MICU1: variants seen among roughly 807,000 people sequenced by gnomAD.
MICU1 encodes the protein calcium uptake protein 1, mitochondrial.
Under a neutral mutation model 56.8 loss-of-function variants are expected in MICU1, and 45 were observed. The observed-to-expected ratio is 0.79, with a 90% CI of 0.62 to 1.02. The LOEUF (loss-of-function observed/expected upper bound fraction) is 1.02. Ranked by LOEUF, MICU1 falls within the 50% of genes least tolerant of loss-of-function variation. MICU1 has a pLI of 0.00. For synonymous variants in MICU1, 186 were observed against 195.1 expected (o/e 0.95, Z 0.39); for missense variants, 504 against 587.1 (o/e 0.86, Z 1.46).
chr10:72,381,963 T>TACACACACACACACACAC (rs10535513), intron 10 of MICU1, among the ~76,000 whole-genome samples: 8 of 138,344 alleles, frequency 5.8e-5, no homozygotes, highest in South Asian at 2.5e-4. Context: ...TATATATCTA[T>TACACACACACACACACAC]ACACACACAC....
rs1425765808 is a variant in MICU1 at position 72,569,221 on chromosome 10, ATATATATATATATATATT to A, written c.-1-2445_-1-2428del. Among the ~76,000 whole-genome samples, 13 of 38,504 alleles carry A rather than the reference ATATATATATATATATATT, an allele frequency of 3.4e-4. 1 individual carries two copies. Among genetic ancestry groups the A allele is most frequent in the African/African-American group, 1.7e-3 (13 of 7,638 alleles). 25.3% of individuals were successfully genotyped at this position (38,504 alleles called of 152,430 possible). On this transcript the variant is annotated intron_variant, in intron 1 of 11. Coordinates refer to ENST00000361114, the MANE Select transcript of MICU1 (RefSeq NM_001195518.2). ...CATATATATGCATATATATATATATATATATATATATATATATTTTTTTTTTTTTTTGAGATGGCGTCT... is the reference window on the plus strand; with the variant it reads ...CATATATATGCATATATATATATATATTTTTTTTTTTTTGAGATGGCGTCT...
At chr10:72,609,733 CAA>C (rs1248783651) in intron 1 of MICU1, among the ~76,000 whole-genome samples, 16 of 102,980 alleles carry the variant, frequency 1.6e-4, no homozygotes, top group East Asian at 2.7e-4. Context: ...GACCCCGTCT[CAA>C]AAAAAAAAAA....
At chr10:72,452,738 T>C (rs1175808447) in intron 8 of MICU1, among the ~76,000 whole-genome samples, 1 of 152,226 alleles carries the variant, frequency 6.6e-6, no homozygotes, top group African/African-American at 2.4e-5. Context: ...TCTCAGAATG[T>C]ATCCCCATCG....
intron 9 of MICU1, among the ~76,000 whole-genome samples, chr10:72,418,006 C>T (rs956844485): frequency 4.6e-5 from 7 of 152,126 alleles, no homozygotes; most frequent in African/African-American, 1.7e-4. Context: ...GCAAACATAT[C>T]CTTCTTCGCA....
rs1589290599 is a variant in MICU1, at chr10:72,508,442, T to C, written c.538-173A>G. 3 of 399,012 alleles carry C rather than the reference T, an allele frequency of 7.5e-6. No homozygotes were observed. The East Asian group carries it at 1.0e-4, about 14-fold the overall frequency. The allele number at this position is 399,012 out of a possible 1,614,324, so 24.7% of individuals were successfully genotyped here. A position where few individuals can be genotyped will look rare whatever the true frequency, so the allele number is the denominator to read the frequency against. On this transcript the variant is annotated intron_variant, in intron 5 of 11. Transcript: ENST00000361114. ...TTTACAGTTTTCAAGATGATGAAAA[T>C]TTTAAGACAAAAATTATGTTTTCAT...
intron 11 of MICU1, among the ~76,000 whole-genome samples, chr10:72,374,197 T>G (rs1435097318): frequency 6.6e-6 from 1 of 152,264 alleles, no homozygotes; most frequent in East Asian, 1.9e-4. Flanking sequence ...CATGGCTCAC[T>G]GCAGTCTTGA....
At chr10:72,590,279 C>A (rs1231811092) in intron 1 of MICU1, among the ~76,000 whole-genome samples, 2 of 151,990 alleles carry the variant, frequency 1.3e-5, no homozygotes, top group Non-Finnish European at 2.9e-5. Flanking sequence ...AACAAATAGA[C>A]TTTAAATCAA....
chr10:72,445,752 T>C (rs1865085608), intron 8 of MICU1, among the ~76,000 whole-genome samples: 1 of 152,196 alleles, frequency 6.6e-6, no homozygotes, highest in Non-Finnish European at 1.5e-5. Flanking sequence ...AACTGTGTAC[T>C]TCTGGGCAAT....
intron 8 of MICU1, among the ~76,000 whole-genome samples, chr10:72,441,513 C>G (rs1864926476): frequency 6.8e-6 from 1 of 146,788 alleles, no homozygotes; most frequent in Non-Finnish European, 1.5e-5. Context: ...GTGTATCAAA[C>G]CTGCATTGTG....
At chr10:72,544,245 A>G (rs1372339189) in intron 4 of MICU1, among the ~76,000 whole-genome samples, 3 of 152,120 alleles carry the variant, frequency 2.0e-5, no homozygotes, top group Non-Finnish European at 2.9e-5. Flanking sequence ...AGGGACAGGA[A>G]TTGCTCACTC....
chr10:72,536,567 G>C lies in MICU1; in HGVS notation c.494-2778C>G, dbSNP rs186557686. On this transcript the variant is annotated intron_variant, in intron 4 of 11. Transcript: ENST00000361114. Reference sequence around the variant, plus strand: ...AGGGTTTCACCGTGTTAGTCAGGATGGTCTTGATCTCCTGACCTCATGATC... The same window carrying C: ...AGGGTTTCACCGTGTTAGTCAGGATCGTCTTGATCTCCTGACCTCATGATC... Among the ~76,000 whole-genome samples, 58 of 151,878 alleles carry C rather than the reference G, an allele frequency of 3.8e-4. No homozygotes were observed. The East Asian group carries it at 9.9e-3, about 26-fold the overall frequency.
chr10:72,406,097 A>T (rs1231354616), intron 10 of MICU1, among the ~76,000 whole-genome samples: 12 of 152,180 alleles, frequency 7.9e-5, no homozygotes, highest in Admixed American at 5.2e-4. Context: ...AACCTGAGGA[A>T]TCTACAAAAC....
At chr10:72,398,079 CTG>C (rs1414642213) in intron 10 of MICU1, among the ~76,000 whole-genome samples, 1 of 152,236 alleles carries the variant, frequency 6.6e-6, no homozygotes, top group Non-Finnish European at 1.5e-5. Flanking sequence ...TCACAACAAA[CTG>C]TCTCTCATTT....
intron 11 of MICU1, among the ~76,000 whole-genome samples, chr10:72,372,085 T>C (rs900710300): frequency 1.3e-5 from 2 of 150,368 alleles, no homozygotes; most frequent in African/African-American, 4.9e-5. Context: ...AAAATAAATG[T>C]AGGCCAGGTG....
intron 1 of MICU1, among the ~76,000 whole-genome samples, chr10:72,577,868 G>A (rs547097942): frequency 2.6e-4 from 40 of 152,132 alleles, no homozygotes; most frequent in Non-Finnish European, 3.7e-4. Flanking sequence ...CAAATAAAGC[G>A]GTTTCTTGAG....
intron 6 of MICU1, among the ~76,000 whole-genome samples, chr10:72,491,558 T>A (rs149221354): frequency 6.6e-6 from 1 of 152,198 alleles, no homozygotes; most frequent in Non-Finnish European, 1.5e-5. Context: ...AGAGAGTTAA[T>A]GTAACTTGGG....
intron 1 of MICU1, among the ~76,000 whole-genome samples, chr10:72,593,476 A>G (rs1220340815): frequency 6.6e-6 from 1 of 151,378 alleles, no homozygotes; most frequent in Non-Finnish European, 1.5e-5. Flanking sequence ...GTGAGCCAAG[A>G]TCGTGCTACT....
chr10:72,399,984 T>C (rs1301056826), intron 10 of MICU1, among the ~76,000 whole-genome samples: 3 of 152,024 alleles, frequency 2.0e-5, no homozygotes, highest in African/African-American at 7.2e-5. Context: ...AAAGAATAAA[T>C]TGAACAAAAA....
intron 5 of MICU1, among the ~76,000 whole-genome samples, chr10:72,530,372 A>AATAATAATGATG (rs538954555): frequency 1.7e-4 from 25 of 143,974 alleles, no homozygotes; most frequent in Admixed American, 4.2e-4. Context: ...TAATAATAAT[A>AATAATAATGATG]ATGCCAGAAT....
Sources: gnomAD v4.1 joint callset for allele counts (sites outside exome capture counted in the v4.1 genomes callset) on GRCh38, gnomAD v4.1.1 for gene constraint, MANE v1.5 for transcripts, NCBI Gene and HGNC (gene_info 2026-07-23, HGNC 2026-07-21) for gene names.